The following AUTS2 variants were observed in gnomAD, a reference collection of about 807,000 sequenced individuals.
The protein encoded by AUTS2 is activator of transcription and developmental regulator AUTS2, also known as autism susceptibility gene 2 protein.
Under a neutral mutation model 112.4 loss-of-function variants are expected in AUTS2, and 17 were observed. The ratio of observed to expected loss-of-function variants is 0.15; its 90% confidence interval spans 0.10 to 0.23. The LOEUF (loss-of-function observed/expected upper bound fraction) is 0.23, where lower values mean the gene tolerates loss of function less well. AUTS2 is among the 10% of genes least tolerant of loss of function. The pLI, the probability that AUTS2 is intolerant of heterozygous loss-of-function variation, is 1.00. For synonymous variants in AUTS2, 751 were observed against 702.7 expected, an observed-to-expected ratio of 1.07 and a Z score of -1.09; for missense variants, 1,510 against 1,701.6, an observed-to-expected ratio of 0.89 and a Z score of 1.98.
At chr7:70,651,532 G>C (rs1806507196) in intron 5 of AUTS2, among the ~76,000 whole-genome samples, 1 of 152,124 alleles carries the variant, frequency 6.6e-6, no homozygotes, top group Non-Finnish European at 1.5e-5. Context: ...ACTTACATTA[G>C]CCTACCATCG....
intron 2 of AUTS2, among the ~76,000 whole-genome samples, chr7:69,989,933 C>T (rs746955646): frequency 1.3e-5 from 2 of 152,166 alleles, no homozygotes; most frequent in Non-Finnish European, 2.9e-5. Context: ...CCATGAGAAT[C>T]TAATGCCTGA....
chr7:70,660,075 G>A (rs1027368730), intron 5 of AUTS2, among the ~76,000 whole-genome samples: 2 of 152,126 alleles, frequency 1.3e-5, no homozygotes, highest in African/African-American at 4.8e-5. Context: ...TACTCTGGAG[G>A]CTGAGGCAGG....
chr7:69,603,290 G>T (rs922282604), intron 1 of AUTS2, among the ~76,000 whole-genome samples: 1 of 152,182 alleles, frequency 6.6e-6, no homozygotes, highest in Non-Finnish European at 1.5e-5. Context: ...TTGACTCCAT[G>T]ATTTTGTTCT....
At chr7:69,929,860 T>C (rs1796162129) in intron 2 of AUTS2, among the ~76,000 whole-genome samples, 1 of 152,236 alleles carries the variant, frequency 6.6e-6, no homozygotes, top group African/African-American at 2.4e-5. Context: ...CATGCTTTTC[T>C]GCCTCATTGT....
At chr7:70,524,236 C>A (rs1441030630) in intron 5 of AUTS2, among the ~76,000 whole-genome samples, 3 of 152,306 alleles carry the variant, frequency 2.0e-5, no homozygotes, top group Admixed American at 2.0e-4. Flanking sequence ...TGATCCAGTA[C>A]AATCTTCACA....
At chr7:70,194,255 CA>C (rs1457964181) in intron 4 of AUTS2, among the ~76,000 whole-genome samples, 3 of 151,966 alleles carry the variant, frequency 2.0e-5, no homozygotes, top group Non-Finnish European at 4.4e-5. Context: ...ACTAAAAATA[CA>C]AAAATTAGCT....
chr7:70,558,577 G>A (rs1801347604), intron 5 of AUTS2, among the ~76,000 whole-genome samples: 1 of 152,172 alleles, frequency 6.6e-6, no homozygotes, highest in Non-Finnish European at 1.5e-5. Context: ...ATGGAAGCAG[G>A]GGAGATTGCT....
chr7:70,186,175 C>T (rs527391747), intron 4 of AUTS2, among the ~76,000 whole-genome samples: 121 of 152,092 alleles, frequency 8.0e-4, no homozygotes, highest in Admixed American at 1.2e-3. Context: ...AGGGGAACTT[C>T]GGGATGATAT....
At chr7:70,570,059 A>G (rs1182491745) in intron 5 of AUTS2, among the ~76,000 whole-genome samples, 1 of 152,206 alleles carries the variant, frequency 6.6e-6, no homozygotes, top group Non-Finnish European at 1.5e-5. Context: ...AAGCCGTGTT[A>G]GCTGTGCTTA....
intron 1 of AUTS2, among the ~76,000 whole-genome samples, chr7:69,652,163 G>T (rs1354290611): frequency 6.6e-6 from 1 of 152,076 alleles, no homozygotes; most frequent in Admixed American, 6.6e-5. Context: ...AAGCAGTATT[G>T]CTCTTATACT....
At chr7:69,657,830 A>G (rs1439481052) in intron 1 of AUTS2, among the ~76,000 whole-genome samples, 1 of 152,180 alleles carries the variant, frequency 6.6e-6, no homozygotes, top group African/African-American at 2.4e-5. Context: ...CATTTATCAC[A>G]TTGTTCTGTA....
Position 70,455,109 on chromosome 7 carries a change from G to C in AUTS2, c.690+19328G>C, listed in dbSNP as rs1796681778. ...TTTGTTTGTTTATGTTCGTTTGCCA[G>C]TTCTGACTTAGGAGCAAGCCTTTGG... is the stretch of plus-strand genomic sequence containing the variant. On this transcript the variant is annotated intron_variant, in intron 5 of 18. Transcript: ENST00000342771. Among the ~76,000 whole-genome samples the C allele has an allele frequency of 2.0e-5, 3 of 152,316 alleles. 1 individual carries two copies. The highest frequency in any genetic ancestry group is 3.4e-3 in the Middle Eastern group (1 of 294).
intron 6 of AUTS2, among the ~76,000 whole-genome samples, chr7:70,761,810 A>G (rs1209164421): frequency 6.6e-6 from 1 of 152,186 alleles, no homozygotes; most frequent in Non-Finnish European, 1.5e-5. Context: ...AATTTCACTT[A>G]AATTTAATAT....
chr7:69,635,083 A>G (rs1283617243), intron 1 of AUTS2, among the ~76,000 whole-genome samples: 1 of 152,094 alleles, frequency 6.6e-6, no homozygotes, highest in Non-Finnish European at 1.5e-5. Flanking sequence ...TGTGTATTGA[A>G]CTGGCACAAA....
chr7:69,959,633 A>G (rs1250686660), intron 2 of AUTS2, among the ~76,000 whole-genome samples: 2 of 152,038 alleles, frequency 1.3e-5, no homozygotes, highest in African/African-American at 4.8e-5. Flanking sequence ...GCATCTCAGG[A>G]GTCTGTTTCT....
intron 5 of AUTS2, among the ~76,000 whole-genome samples, chr7:70,613,748 C>T (rs1804213842): frequency 6.6e-6 from 1 of 152,168 alleles, no homozygotes; most frequent in Non-Finnish European, 1.5e-5. Context: ...AAGCAAGATC[C>T]ATAGATGCGA....
At chr7:69,806,197 C>CTTTTTTT (rs56704400) in intron 1 of AUTS2, among the ~76,000 whole-genome samples, 2 of 55,008 alleles carry the variant, frequency 3.6e-5, no homozygotes, top group African/African-American at 6.2e-5. Context: ...CCAGCCAAGG[C>CTTTTTTT]TTTTTTTTTT....
intron 4 of AUTS2, among the ~76,000 whole-genome samples, chr7:70,196,238 C>T (rs1231772087): frequency 1.3e-5 from 2 of 152,108 alleles, no homozygotes; most frequent in Non-Finnish European, 2.9e-5. Flanking sequence ...CAGACTGTGT[C>T]CCTGGGTAAA....
intron 4 of AUTS2, among the ~76,000 whole-genome samples, chr7:70,384,979 C>T (rs922736220): frequency 1.3e-5 from 2 of 152,178 alleles, no homozygotes; most frequent in Non-Finnish European, 2.9e-5. Context: ...TAAAGTCTGG[C>T]ACAGCCCTGG....
Sources: allele counts gnomAD v4.1 joint callset (sites outside exome capture counted in the v4.1 genomes callset), GRCh38; gene constraint gnomAD v4.1.1; transcripts MANE v1.5; gene names NCBI Gene and HGNC (gene_info 2026-07-23, HGNC 2026-07-21).